SEC63: variants seen among roughly 807,000 people sequenced by gnomAD.
SEC63 encodes the protein translocation protein SEC63 homolog.
A neutral mutation model predicts 116.2 loss-of-function variants in SEC63; 56 were observed. That is an observed-to-expected ratio of 0.48 (90% CI 0.39 to 0.60). The LOEUF is 0.60. SEC63 is among the 20% of genes least tolerant of loss of function. The pLI is 0.00. For synonymous variants in SEC63, 273 were observed against 294.6 expected (o/e 0.93, Z 0.75); for missense variants, 668 against 900.0 (o/e 0.74, Z 3.30).
intron 2 of SEC63, among the ~76,000 whole-genome samples, chr6:107,927,416 G>T (rs72937383): frequency 6.6e-6 from 1 of 151,950 alleles, no homozygotes; most frequent in Non-Finnish European, 1.5e-5. Context: ...CCTTAGTTTC[G>T]CACATGTGTC....
Position 107,913,385 on chromosome 6 carries a change from T to C in SEC63, c.495A>G (p.Gly165=). ...CCACACCTTGAGGCCCATCTGGATT[T>C]CCAAATTCTTCCCAATTTTTCCGGG... The part of the protein sequence containing the change: ...EESRKNWEEF[G]NPDGPQATSF... Residue 165 remains glycine, a synonymous_variant, in exon 5 of 21, where the codon GGA becomes GGG. Transcript: ENST00000369002. The C allele has an allele frequency of 6.2e-7, 1 of 1,611,566 alleles. No individual in the cohort carries two copies. Among genetic ancestry groups the C allele is most frequent in the Non-Finnish European group, 8.5e-7 (1 of 1,177,708 alleles).
rs1329495493 is a variant in SEC63 at position 107,957,917 on chromosome 6, T to C, written c.93A>G (p.Thr31=). ...SFVGLIVIPA[T]YYLWPRDQNA... ...TCTGATCTCGGGGCCAGAGGTAGTATGTCGCCGGGATCACGATGAGCCCCA... is the reference window on the plus strand; with the variant it reads ...TCTGATCTCGGGGCCAGAGGTAGTACGTCGCCGGGATCACGATGAGCCCCA... Residue 31 remains threonine, a synonymous_variant, in exon 1 of 21, where the codon ACA becomes ACG. Coordinates refer to ENST00000369002, the MANE Select transcript of SEC63 (RefSeq NM_007214.5). 1 of 1,612,942 alleles carries C rather than the reference T, an allele frequency of 6.2e-7. No homozygotes were observed. The highest frequency in any genetic ancestry group is 8.5e-7 in the Non-Finnish European group (1 of 1,179,412).
intron 1 of SEC63, among the ~76,000 whole-genome samples, chr6:107,943,972 G>C (rs567561529): frequency 6.6e-6 from 1 of 152,304 alleles, no homozygotes; most frequent in African/African-American, 2.4e-5. Flanking sequence ...CACTCAGCCA[G>C]GGTAGAAACA....
At position 107,871,852 on chromosome 6, in the gene SEC63, A is replaced by G. The variant is rs759552479; in HGVS notation, c.2140-5T>C. ...CTTAGCCTCATGAACTTCCAACTAG[A>G]AAGAAGAATTAAATGTAGACATCAG... is the stretch of plus-strand genomic sequence containing the variant. On this transcript the variant is annotated splice_region_variant and splice_polypyrimidine_tract_variant and intron_variant, in intron 20 of 20. Coordinates refer to ENST00000369002, the MANE Select transcript of SEC63 (RefSeq NM_007214.5). 3.7e-6 allele frequency: 6 copies of G among 1,613,264 alleles called. No individual in the cohort carries two copies. In the African/African-American group the frequency reaches 6.7e-5, roughly 18 times the overall value.
At chr6:107,882,248 C>T (rs1786429612) in intron 17 of SEC63, among the ~76,000 whole-genome samples, 2 of 152,108 alleles carry the variant, frequency 1.3e-5, no homozygotes, top group Non-Finnish European at 2.9e-5. Flanking sequence ...CAGGCAATCC[C>T]TTTTTATCTC....
In SEC63 at chr6:107,939,710, C is replaced by T. The variant is rs546752111; in HGVS notation, c.125-10196G>A. Among the ~76,000 whole-genome samples, 19 of 151,540 alleles carry T rather than the reference C, an allele frequency of 1.3e-4. No homozygotes were observed. The East Asian group carries it at 3.5e-3, about 28-fold the overall frequency. On this transcript the variant is annotated intron_variant, in intron 1 of 20. Coordinates refer to ENST00000369002, the MANE Select transcript of SEC63 (RefSeq NM_007214.5). ...AAGATCACGCCACTGCACTCCAGCC[C>T]GGGTGAAAGTACGAGATTGTCTCAA...
chr6:107,950,980 T>G (rs1296065494), intron 1 of SEC63, among the ~76,000 whole-genome samples: 1 of 152,228 alleles, frequency 6.6e-6, no homozygotes, highest in African/African-American at 2.4e-5. Flanking sequence ...CCTAATGATA[T>G]AAAATGTTTA....
chr6:107,886,381 G>T lies in SEC63; in HGVS notation c.1675-3235C>A, dbSNP rs186303147. ...ATCCTTTGGGTATATACCCAGTAAT[G>T]GGATTGCTGGGTCAAGTATTCCTAG... On this transcript the variant is annotated intron_variant, in intron 16 of 20. Coordinates refer to ENST00000369002, the MANE Select transcript of SEC63 (RefSeq NM_007214.5). Among the ~76,000 whole-genome samples the T allele has an allele frequency of 2.5e-3, 379 of 152,286 alleles. 2 individuals are homozygous for T. The highest frequency in any genetic ancestry group is 6.8e-3 in the Middle Eastern group (2 of 294).
Position 107,897,127 on chromosome 6 carries a change from C to T in SEC63, c.1440+522G>A, listed in dbSNP as rs573866610. ...AGGTATACATACATTAGGCTACATA[C>T]AGGGATGAGCCTCAAAACGAATCAT... On this transcript the variant is annotated intron_variant, in intron 14 of 20. Transcript: ENST00000369002. 2.7e-4 allele frequency among the ~76,000 whole-genome samples: 41 copies of T among 152,254 alleles called. No homozygotes were observed. The South Asian group carries it at 8.5e-3, about 32-fold the overall frequency.
At chr6:107,940,792 TAAA>T (rs35107353) in intron 1 of SEC63, among the ~76,000 whole-genome samples, 3 of 142,318 alleles carry the variant, frequency 2.1e-5, no homozygotes, top group East Asian at 2.0e-4. Context: ...AAAGTATTCT[TAAA>T]AAAAAAAAAA....
chr6:107,912,582 C>T (rs1168653330), intron 6 of SEC63, 134 bp downstream of exon 6: 1 of 697,384 alleles, frequency 1.4e-6, no homozygotes, highest in East Asian at 2.7e-5. Context: ...AAGACTCTGT[C>T]TCAAATGAAT....
At chr6:107,872,398 G>A (rs1438409068) in intron 20 of SEC63, among the ~76,000 whole-genome samples, 1 of 151,960 alleles carries the variant, frequency 6.6e-6, no homozygotes, top group African/African-American at 2.4e-5. Flanking sequence ...GGTAAACAAA[G>A]ATCAGAGTGT....
At chr6:107,921,151 T>TTTA in intron 4 of SEC63, among the ~76,000 whole-genome samples, 1 of 151,894 alleles carries the variant, frequency 6.6e-6, no homozygotes, top group Non-Finnish European at 1.5e-5. Context: ...ATAGTTTAAA[T>TTTA]GAGATAAGCT....
At chr6:107,897,088 T>C (rs890098480) in intron 14 of SEC63, among the ~76,000 whole-genome samples, 1 of 151,914 alleles carries the variant, frequency 6.6e-6, no homozygotes, top group Non-Finnish European at 1.5e-5. Flanking sequence ...GACAAAAACA[T>C]CATTTAGCTC....
At chr6:107,893,929 C>T (rs375082128) in intron 14 of SEC63, 32 bp from the exon 15 acceptor site, 1,252 of 1,605,502 alleles carry the variant, frequency 7.8e-4, no homozygotes, top group Non-Finnish European at 9.4e-4. Flanking sequence ...AATACAAAAT[C>T]TGTCAACCTA....
chr6:107,941,249 A>G (rs899671080), intron 1 of SEC63, among the ~76,000 whole-genome samples: 1 of 152,138 alleles, frequency 6.6e-6, no homozygotes, highest in Non-Finnish European at 1.5e-5. Context: ...TTCATAAAGA[A>G]AATTTGAGCC....
At chr6:107,882,426 C>A (rs556128839) in intron 17 of SEC63, among the ~76,000 whole-genome samples, 3 of 152,290 alleles carry the variant, frequency 2.0e-5, no homozygotes, top group Admixed American at 2.0e-4. Context: ...AGATTTTTCT[C>A]CTATACGCTA....
rs199636378 is a variant in SEC63, at chr6:107,877,063, ATGTG to A, written c.1936-405_1936-402del. 3.4e-4 allele frequency: 22 copies of A among 64,816 alleles called. No homozygotes were observed. In the East Asian group the frequency reaches 4.4e-3, roughly 13 times the overall value. The allele number at this position is 64,816 out of a possible 1,614,324, so 4.0% of individuals were successfully genotyped here. On this transcript the variant is annotated intron_variant, in intron 18 of 20. Coordinates refer to ENST00000369002, the MANE Select transcript of SEC63 (RefSeq NM_007214.5). ...GTTGGAGTGGAAGGAACATATATAT[ATGTG>A]TGTGTATATATATATATATACACAT...
rs548898994 is a variant in SEC63 at position 107,926,377 on chromosome 6, C to T, written c.225-1445G>A. 5.3e-5 allele frequency among the ~76,000 whole-genome samples: 8 copies of T among 152,192 alleles called. 1 individual carries two copies. The highest frequency in any genetic ancestry group is 1.9e-4 in the African/African-American group (8 of 41,530). On this transcript the variant is annotated intron_variant, in intron 2 of 20. Transcript: ENST00000369002. ...CTGAGCAAGAACTGTTAGACAAAGA[C>T]ATCAAATGAATCTTAAGAGGCCAAA...
Sources: gnomAD v4.1 joint callset for allele counts (sites outside exome capture counted in the v4.1 genomes callset) on GRCh38, gnomAD v4.1.1 for gene constraint, MANE v1.5 for transcripts, NCBI Gene and HGNC (gene_info 2026-07-23, HGNC 2026-07-21) for gene names.